CFAP418: variants seen among roughly 807,000 people sequenced by gnomAD.
CFAP418 encodes the protein cilia- and flagella-associated protein 418.
A neutral mutation model predicts 24.7 loss-of-function variants in CFAP418; 27 were observed. The ratio of observed to expected loss-of-function variants is 1.09; its 90% CI spans 0.81 to 1.51. CFAP418 has a LOEUF of 1.51. Among genes scored for constraint, CFAP418 ranks in the 40% most tolerant of loss-of-function variants. The pLI, the probability that CFAP418 is intolerant of heterozygous loss-of-function variation, is 0.00. For missense variants in CFAP418, 257 were observed against 255.2 expected, an observed-to-expected ratio of 1.01 and a Z score of -0.05; for synonymous variants, 74 against 87.3, an observed-to-expected ratio of 0.85 and a Z score of 0.85.
At chr8:95,268,812 T>A (rs1213066038) in intron 1 of CFAP418, 12 of 366,594 alleles carry the variant, frequency 3.3e-5, no homozygotes, top group Middle Eastern at 1.5e-3. Context: ...CTCTGGGGCA[T>A]GCCGGGGGGC....
rs1811623445 is a variant in CFAP418, at chr8:95,246,526, A to T, written c.*1091T>A. 1 of 152,204 alleles carries T rather than the reference A, an allele frequency of 6.6e-6. No homozygotes were observed. Among genetic ancestry groups the T allele is most frequent in the South Asian group, 2.1e-4 (1 of 4,830 alleles). The allele number at this position is 152,204 out of a possible 1,614,324, so 9.4% of individuals were successfully genotyped here. On this transcript the variant is annotated 3_prime_UTR_variant, in exon 6 of 6. Coordinates refer to ENST00000286688, the MANE Select transcript of CFAP418 (RefSeq NM_177965.4). ...TCCCTTTCAGGGTGCTCTGTATCAC[A>T]CATTTGAACTATATAGTACATATGT...
At chr8:95,260,599 T>G in intron 2 of CFAP418, 67 bp from the exon 3 acceptor site, 1 of 852,330 alleles carries the variant, frequency 1.2e-6, no homozygotes, top group Non-Finnish European at 1.8e-6. Flanking sequence ...AAAACTAATA[T>G]TCCTTATAAC....
chr8:95,259,901 T>G lies in CFAP418; in HGVS notation c.313A>C (p.Ser105Arg). The change falls in exon 4 of 6, where the codon AGT becomes CGT. Residue 105 changes from serine (S) to arginine (R), a missense_variant. Transcript: ENST00000286688. Reference protein sequence around the residue: ...ASIEGLGKSCSPVYLGGSSIP... With the variant: ...ASIEGLGKSCRPVYLGGSSIP... ...GAGCTTCCACCAAGGTACACCGGAC[T>G]GCAACTAGATGTGTTCAACAGATGC... 6.3e-7 allele frequency: 1 copy of G among 1,596,418 alleles called. No individual in the cohort carries two copies. Among genetic ancestry groups the G allele is most frequent in the Non-Finnish European group, 8.5e-7 (1 of 1,174,472 alleles).
At chr8:95,254,584 G>T (rs1811757810) in intron 4 of CFAP418, among the ~76,000 whole-genome samples, 1 of 152,144 alleles carries the variant, frequency 6.6e-6, no homozygotes, top group Admixed American at 6.5e-5. Context: ...CTTTTGTCCA[G>T]CTAAAAAGTA....
chr8:95,255,850 CAT>C (rs1563471881), intron 4 of CFAP418, among the ~76,000 whole-genome samples: 1 of 152,234 alleles, frequency 6.6e-6, no homozygotes, highest in Admixed American at 6.5e-5. Context: ...GTACTTCACA[CAT>C]AAAATTTGCA....
intron 2 of CFAP418, among the ~76,000 whole-genome samples, chr8:95,261,550 T>C (rs1479125311): frequency 1.3e-5 from 2 of 152,124 alleles, no homozygotes; most frequent in African/African-American, 4.8e-5. Flanking sequence ...CAGGGCATAA[T>C]ATAGCCTCTA....
chr8:95,258,102 G>A (rs1330553521), intron 4 of CFAP418, among the ~76,000 whole-genome samples: 1 of 152,156 alleles, frequency 6.6e-6, no homozygotes, highest in Non-Finnish European at 1.5e-5. Context: ...GAAAAACAGA[G>A]CTGGGCGCAG....
chr8:95,259,955 G>A (rs1364971714), intron 3 of CFAP418, 50 bp from the exon 4 acceptor site: 8 of 1,490,868 alleles, frequency 5.4e-6, no homozygotes, highest in Non-Finnish European at 7.2e-6. Flanking sequence ...CAAAAAATAG[G>A]AGAAGTTAAT....
intron 1 of CFAP418, among the ~76,000 whole-genome samples, chr8:95,266,882 G>A (rs999298024): frequency 1.3e-5 from 2 of 152,200 alleles, no homozygotes; most frequent in Non-Finnish European, 2.9e-5. Context: ...CCCATGGTTG[G>A]AGAAGATCCA....
chr8:95,247,817 C>T (rs1811646854), intron 5 of CFAP418, 47 bp from the exon 6 acceptor site: 15 of 1,375,800 alleles, frequency 1.1e-5, no homozygotes, highest in East Asian at 4.9e-5. Context: ...TTGTTCAGTG[C>T]TTAATGATTA....
rs369398498 is a variant in CFAP418 at position 95,247,783 on chromosome 8, C to T, written c.471-13G>A. 14 of 1,580,118 alleles carry T rather than the reference C, an allele frequency of 8.9e-6. No individual in the cohort carries two copies. Among genetic ancestry groups the T allele is most frequent in the African/African-American group, 1.4e-5 (1 of 71,828 alleles). On this transcript the variant is annotated splice_polypyrimidine_tract_variant and intron_variant, in intron 5 of 5. Transcript: ENST00000286688. ...TGGCATGTTGTTCCTATTAGTAAAACAGGAAAGTTTTAGCATAGTGGCTTT... is the reference window on the plus strand; with the variant it reads ...TGGCATGTTGTTCCTATTAGTAAAATAGGAAAGTTTTAGCATAGTGGCTTT...
intron 1 of CFAP418, 152 bp downstream of exon 1, chr8:95,268,883 C>G: frequency 1.3e-6 from 1 of 798,022 alleles, no homozygotes; most frequent in Non-Finnish European, 2.0e-6. Context: ...AATGCGCTGC[C>G]GCGGAGGGTA....
At position 95,245,186 on chromosome 8, in the gene CFAP418, T is replaced by C. The variant is rs1350324397; in HGVS notation, c.*2431A>G. The stretch of plus-strand genomic sequence containing the variant: ...TAGAAACTATACTTTTCTTCTATAC[T>C]GATACTAAAATAGTTTCATTTTCAG... On this transcript the variant is annotated 3_prime_UTR_variant, in exon 6 of 6. Coordinates refer to ENST00000286688, the MANE Select transcript of CFAP418 (RefSeq NM_177965.4). 1 of 152,192 alleles carries C rather than the reference T, an allele frequency of 6.6e-6. No individual in the cohort carries two copies. The highest frequency in any genetic ancestry group is 2.4e-5 in the African/African-American group (1 of 41,462). 9.4% of individuals were successfully genotyped at this position (152,192 alleles called of 1,614,324 possible).
chr8:95,251,723 T>C (rs1164314373), intron 5 of CFAP418, among the ~76,000 whole-genome samples: 5 of 152,146 alleles, frequency 3.3e-5, no homozygotes, highest in African/African-American at 9.7e-5. Flanking sequence ...GAGAAGGAGA[T>C]GGATGACAGA....
At chr8:95,257,042 C>T (rs765790550) in intron 4 of CFAP418, among the ~76,000 whole-genome samples, 5 of 152,076 alleles carry the variant, frequency 3.3e-5, no homozygotes, top group Non-Finnish European at 4.4e-5. Context: ...AGGAGAGGCA[C>T]TCAGAATAGT....
In CFAP418 at chr8:95,269,062, T is replaced by A. The variant is rs752952366; in HGVS notation, c.128A>T (p.Asn43Ile). 1.9e-6 allele frequency: 3 copies of A among 1,614,168 alleles called. No homozygotes were observed. The highest frequency in any genetic ancestry group is 2.5e-6 in the Non-Finnish European group (3 of 1,180,010). The change falls in exon 1 of 6, where the codon AAC (asparagine) becomes ATC (isoleucine). Residue 43 changes from asparagine (N) to isoleucine (I), a missense_variant. Coordinates refer to ENST00000286688, the MANE Select transcript of CFAP418 (RefSeq NM_177965.4). Reference protein sequence around the residue: ...CGGGTHSSDRNQAKAKETLRS... With the variant: ...CGGGTHSSDRIQAKAKETLRS... ...GAGCGTCTCTTTCGCCTTGGCTTGG[T>A]TCCGGTCGCTACTGTGGGTGCCGCC... is the stretch of plus-strand genomic sequence containing the variant.
chr8:95,258,381 CA>C (rs61473559), intron 4 of CFAP418, among the ~76,000 whole-genome samples: 1,213 of 49,654 alleles, frequency 0.024, 3 homozygotes, highest in African/African-American at 0.073. Flanking sequence ...GACTCTGTCT[CA>C]AAAAAAAAAA....
intron 5 of CFAP418, among the ~76,000 whole-genome samples, 156 bp downstream of exon 5, chr8:95,252,032 T>C (rs573157495): frequency 6.6e-6 from 1 of 152,254 alleles, no homozygotes; most frequent in African/African-American, 2.4e-5. Context: ...ATATATGCAG[T>C]CCATCGTTGA....
intron 1 of CFAP418, among the ~76,000 whole-genome samples, chr8:95,267,760 C>G (rs930917549): frequency 5.3e-5 from 8 of 152,166 alleles, no homozygotes; most frequent in African/African-American, 1.9e-4. Flanking sequence ...TTAGATTGAT[C>G]CAAAGTTGCC....
Sources: gnomAD v4.1 joint callset for allele counts (sites outside exome capture counted in the v4.1 genomes callset) on GRCh38, gnomAD v4.1.1 for gene constraint, MANE v1.5 for transcripts, NCBI Gene and HGNC (gene_info 2026-07-23, HGNC 2026-07-21) for gene names.